TP53BP1: variants seen among roughly 807,000 people sequenced by gnomAD.
The protein encoded by TP53BP1 is tumor protein p53 binding protein 1.
A neutral mutation model predicts 200.8 loss-of-function variants in TP53BP1; 61 were observed. The observed-to-expected ratio is 0.30, with a 90% CI of 0.25 to 0.38. TP53BP1 has a LOEUF of 0.38. Ranked by LOEUF, TP53BP1 falls within the 10% of genes least tolerant of loss-of-function variation. TP53BP1 has a pLI of 1.00. For missense variants in TP53BP1, 2,144 were observed against 2,371.9 expected (o/e 0.90, Z 2.00); for synonymous variants, 822 against 844.3 (o/e 0.97, Z 0.46).
intron 4 of TP53BP1, among the ~76,000 whole-genome samples, chr15:43,483,297 C>G (rs530372857): frequency 6.7e-6 from 1 of 150,164 alleles, no homozygotes; most frequent in East Asian, 2.0e-4. Context: ...TCTTTCATTT[C>G]TTCTGTGGGC....
At chr15:43,421,271 A>G (rs2142991741) in intron 19 of TP53BP1, 97 bp from the exon 20 acceptor site, 1 of 1,325,642 alleles carries the variant, frequency 7.5e-7, no homozygotes, top group Non-Finnish European at 1.1e-6. Flanking sequence ...ACAGGCCTAC[A>G]TGTGCTGAGC....
intron 11 of TP53BP1, among the ~76,000 whole-genome samples, chr15:43,467,894 CTGCCTCAGCCTT>C (rs1468040104): frequency 6.6e-6 from 1 of 151,986 alleles, no homozygotes; most frequent in Non-Finnish European, 1.5e-5. Context: ...AGCGATTCTC[CTGCCTCAGCCTT>C]CCAAATAGCT....
At chr15:43,408,780 T>C in intron 26 of TP53BP1, 117 bp downstream of exon 26, 1 of 1,031,320 alleles carries the variant, frequency 9.7e-7, no homozygotes, top group Non-Finnish European at 1.4e-6. Context: ...CCCACTCAAA[T>C]TTATCCCACA....
intron 11 of TP53BP1, among the ~76,000 whole-genome samples, chr15:43,465,632 G>C (rs907406708): frequency 6.6e-6 from 1 of 152,038 alleles, no homozygotes; most frequent in African/African-American, 2.4e-5. Flanking sequence ...TCTAAATTGA[G>C]AGGGCCTGCC....
At chr15:43,493,179 A>G, upstream of TP53BP1, 2 of 1,496,344 alleles carry the variant, frequency 1.3e-6, no homozygotes, top group Admixed American at 4.4e-5. Flanking sequence ...CACGTCACAC[A>G]ATATCGGATC....
At chr15:43,421,673 G>A (rs766194309) in intron 19 of TP53BP1, 182 bp downstream of exon 19, 7 of 822,882 alleles carry the variant, frequency 8.5e-6, no homozygotes, top group Non-Finnish European at 1.3e-5. Context: ...CCTGCCACAG[G>A]GCTCCACCCT....
chr15:43,461,149 T>G (rs1413885931), intron 11 of TP53BP1, among the ~76,000 whole-genome samples: 6 of 152,146 alleles, frequency 3.9e-5, no homozygotes, highest in Non-Finnish European at 7.3e-5. Context: ...AGCTACAAAA[T>G]GGTTCACTGC....
rs984948485 is a variant in TP53BP1 at position 43,456,986 on chromosome 15, A to G, written c.1622T>C (p.Ile541Thr). The G allele has an allele frequency of 1.1e-5, 17 of 1,614,172 alleles. No individual in the cohort carries two copies. Among genetic ancestry groups the G allele is most frequent in the East Asian group, 2.2e-5 (1 of 44,884 alleles). Residue 541 changes from isoleucine to threonine, a missense_variant, in exon 12 of 28, where the codon ATT becomes ACT. Ile to Thr is a moderately conservative substitution (Grantham distance 89). This residue lies in a region of TP53BP1 where 1,700 missense variants were observed against 1,710.3 expected (regional missense o/e 0.99). Coordinates refer to ENST00000382044, the MANE Select transcript of TP53BP1 (RefSeq NM_001141980.3). Reference protein sequence around the residue: ...PKMESLSSHRIDEDGENTQIE... With the variant: ...PKMESLSSHRTDEDGENTQIE... Reference sequence around the variant, plus strand: ...CTGTGTGTTTTCTCCATCTTCATCAATTCTGTGAGAACTCAAGCTCTCCAT... The same window carrying G: ...CTGTGTGTTTTCTCCATCTTCATCAGTTCTGTGAGAACTCAAGCTCTCCAT...
intron 17 of TP53BP1, among the ~76,000 whole-genome samples, chr15:43,431,133 G>A (rs2045659619): frequency 6.6e-6 from 1 of 152,096 alleles, no homozygotes; most frequent in Admixed American, 6.6e-5. Flanking sequence ...TCATATCCTA[G>A]CCAGGACTAA....
Position 43,457,175 on chromosome 15 carries a change from T to C in TP53BP1, c.1433A>G (p.Asp478Gly), listed in dbSNP as rs755406668. The change falls in exon 12 of 28, where the codon GAT becomes GGT. Residue 478 changes from aspartate to glycine, a missense_variant. Transcript: ENST00000382044. ...PSPSLEEQSNDGKKDGDMHSS... is the reference protein window; with the variant it reads ...PSPSLEEQSNGGKKDGDMHSS... ...ATGCATATCTCCATCTTTCTTCCCA[T>C]CATTTGATTGTTCTTCCAGACTTGG... The C allele has an allele frequency of 1.2e-6, 2 of 1,612,460 alleles. No homozygotes were observed. Among genetic ancestry groups the C allele is most frequent in the African/African-American group, 1.3e-5 (1 of 74,876 alleles).
upstream of TP53BP1, among the ~76,000 whole-genome samples, chr15:43,496,379 C>T (rs2079182624): frequency 6.6e-6 from 1 of 152,270 alleles, no homozygotes; most frequent in East Asian, 1.9e-4. Flanking sequence ...TTCAAACCAT[C>T]AAACAACAAA....
intron 22 of TP53BP1, 27 bp from the exon 23 acceptor site, chr15:43,415,836 G>A (rs2045253340): frequency 6.2e-7 from 1 of 1,600,350 alleles, no homozygotes; most frequent in Non-Finnish European, 8.6e-7. Context: ...CAAACAGGTT[G>A]GTCAAACTCT....
At position 43,480,015 on chromosome 15, in the gene TP53BP1, T is replaced by C. The variant is rs1227495000; in HGVS notation, c.502A>G (p.Thr168Ala). The part of the protein sequence containing the change: ...NTTHSLGAED[T>A]ASSQLGFGVL... Reference sequence around the variant, plus strand: ...CCAAAACCCAACTGTGATGAGGCAGTATCTAGGAACAAAATGCCAAGAAAT... The same window carrying C: ...CCAAAACCCAACTGTGATGAGGCAGCATCTAGGAACAAAATGCCAAGAAAT... Residue 168 changes from threonine (T) to alanine (A), a missense_variant and splice_region_variant, in exon 6 of 28, where the codon ACT becomes GCT. Thr to Ala is a moderately conservative substitution (Grantham distance 58, BLOSUM62 0). This residue lies in a region of TP53BP1 where 1,700 missense variants were observed against 1,710.3 expected (regional missense o/e 0.99). Coordinates refer to ENST00000382044, the MANE Select transcript of TP53BP1 (RefSeq NM_001141980.3). 1.2e-6 allele frequency: 2 copies of C among 1,613,950 alleles called. No individual in the cohort carries two copies. Among genetic ancestry groups the C allele is most frequent in the Admixed American group, 1.7e-5 (1 of 59,980 alleles).
At position 43,403,541 on chromosome 15, in the gene TP53BP1, G is replaced by A; in HGVS notation, c.*3842C>T. ...TGCGTCTGAGGGGCTGGCAGGCCTT[G>A]CACGTGGCAGTGTCTATCCTGTCAG... On this transcript the variant is annotated 3_prime_UTR_variant, in exon 28 of 28. Transcript: ENST00000382044. 1 of 631,356 alleles carries A rather than the reference G, an allele frequency of 1.6e-6. No homozygotes were observed. Among genetic ancestry groups the A allele is most frequent in the Non-Finnish European group, 2.8e-6 (1 of 356,214 alleles). 39.1% of individuals were successfully genotyped at this position (631,356 alleles called of 1,614,324 possible).
chr15:43,449,089 C>T (rs533755161), intron 12 of TP53BP1, among the ~76,000 whole-genome samples: 33 of 152,074 alleles, frequency 2.2e-4, no homozygotes, highest in African/African-American at 6.7e-4. Flanking sequence ...ATGGTGCCAC[C>T]GCACTACAGC....
chr15:43,415,200 T>G (rs917480398), intron 23 of TP53BP1: 5 of 298,140 alleles, frequency 1.7e-5, no homozygotes, highest in South Asian at 3.2e-5. Context: ...AGTCCTGGCC[T>G]TCTTTTTTTT....
chr15:43,442,689 G>T (rs1256719989), intron 14 of TP53BP1, among the ~76,000 whole-genome samples: 3 of 151,366 alleles, frequency 2.0e-5, no homozygotes, highest in African/African-American at 7.3e-5. Context: ...GTAGAGATGG[G>T]GTTTCACCAT....
chr15:43,430,750 A>G, intron 17 of TP53BP1, among the ~76,000 whole-genome samples: 1 of 152,230 alleles, frequency 6.6e-6, no homozygotes, highest in East Asian at 1.9e-4. Context: ...CAGACCTATA[A>G]TGTTTATAAA....
intron 12 of TP53BP1, 114 bp downstream of exon 12, chr15:43,455,778 T>A: frequency 1.5e-6 from 2 of 1,294,496 alleles, no homozygotes; most frequent in Non-Finnish European, 2.1e-6. Context: ...TGGTTGTTCA[T>A]AAACATAAAC....
Sources: allele counts gnomAD v4.1 joint callset (sites outside exome capture counted in the v4.1 genomes callset), GRCh38; gene constraint gnomAD v4.1.1; regional missense constraint gnomAD v4.1.1; transcripts MANE v1.5; gene names NCBI Gene and HGNC (gene_info 2026-07-23, HGNC 2026-07-21).